The following TEK variants were observed in gnomAD, a reference collection of about 807,000 sequenced individuals.
TEK encodes the protein angiopoietin-1 receptor.
A neutral mutation model predicts 131.8 loss-of-function variants in TEK; 43 were observed. That is an observed-to-expected ratio of 0.33 (90% CI 0.26 to 0.42). The LOEUF (loss-of-function observed/expected upper bound fraction) is 0.42. TEK is among the 10% of genes least tolerant of loss of function. TEK has a pLI of 1.00. For missense variants in TEK, 1,162 were observed against 1,384.4 expected, an observed-to-expected ratio of 0.84 and a Z score of 2.55; for synonymous variants, 580 against 491.6, an observed-to-expected ratio of 1.18 and a Z score of -2.38.
chr9:27,136,896 T>G (rs1224747039), intron 1 of TEK, among the ~76,000 whole-genome samples: 1 of 152,154 alleles, frequency 6.6e-6, no homozygotes, highest in Non-Finnish European at 1.5e-5. Flanking sequence ...AAAAAAAATC[T>G]CTCCATGTTT....
chr9:27,125,928 A>G (rs1198001111), intron 1 of TEK, among the ~76,000 whole-genome samples: 12 of 152,094 alleles, frequency 7.9e-5, no homozygotes, highest in Admixed American at 7.9e-4. Context: ...TCTGTGCCCA[A>G]CACTGAGTCA....
At chr9:27,162,679 A>G (rs188473897) in intron 2 of TEK, among the ~76,000 whole-genome samples, 1 of 152,242 alleles carries the variant, frequency 6.6e-6, no homozygotes, top group Non-Finnish European at 1.5e-5. Context: ...AAAATCTGAA[A>G]CAGTTTAGTT....
At chr9:27,120,336 C>T (rs940563989) in intron 1 of TEK, among the ~76,000 whole-genome samples, 1 of 152,256 alleles carries the variant, frequency 6.6e-6, no homozygotes, top group South Asian at 2.1e-4. Flanking sequence ...TCTTCTTCAC[C>T]TGCTTTACTT....
intron 1 of TEK, 80 bp from the exon 2 acceptor site, chr9:27,157,751 A>G: frequency 1.3e-6 from 2 of 1,483,452 alleles, no homozygotes; most frequent in South Asian, 2.3e-5. Context: ...CTTTAAGACA[A>G]GGCTTTGTGA....
chr9:27,223,071 A>G (rs1358664547), intron 21 of TEK, among the ~76,000 whole-genome samples: 1 of 152,174 alleles, frequency 6.6e-6, no homozygotes, highest in African/African-American at 2.4e-5. Flanking sequence ...AGAACAGCTA[A>G]CTAACTATCT....
intron 7 of TEK, among the ~76,000 whole-genome samples, chr9:27,181,866 C>T (rs1824390357): frequency 6.6e-6 from 1 of 151,788 alleles, no homozygotes; most frequent in African/African-American, 2.4e-5. Flanking sequence ...GAAATAAATA[C>T]ATATCCAGTG....
At chr9:27,223,589 A>G (rs1202182072) in intron 21 of TEK, among the ~76,000 whole-genome samples, 1 of 152,198 alleles carries the variant, frequency 6.6e-6, no homozygotes, top group East Asian at 1.9e-4. Context: ...GACACAACAT[A>G]CCAGAATCTC....
intron 8 of TEK, among the ~76,000 whole-genome samples, chr9:27,184,176 C>T (rs1383412715): frequency 1.3e-5 from 2 of 152,144 alleles, no homozygotes; most frequent in Non-Finnish European, 1.5e-5. Context: ...CATTGGGTTT[C>T]TACCCACCTC....
intron 1 of TEK, among the ~76,000 whole-genome samples, chr9:27,127,224 C>T (rs775459696): frequency 1.3e-5 from 2 of 152,176 alleles, no homozygotes; most frequent in African/African-American, 2.4e-5. Context: ...TGAGAACATG[C>T]AGTGTTTGGT....
intron 21 of TEK, among the ~76,000 whole-genome samples, chr9:27,227,290 C>T (rs925964150): frequency 6.6e-6 from 1 of 152,188 alleles, no homozygotes; most frequent in African/African-American, 2.4e-5. Context: ...CTGAGCACAA[C>T]TGAGTAAGCA....
Position 27,213,358 on chromosome 9 carries a change from A to G in TEK, c.2878-126A>G. On this transcript the variant is annotated intron_variant, in intron 17 of 22. Transcript: ENST00000380036. The stretch of plus-strand genomic sequence containing the variant: ...CCAGGGAATTTTGGAGGGGAACTTT[A>G]AGGGAACTGGATTGTGACTGTTTAA... 4.3e-6 allele frequency: 3 copies of G among 697,060 alleles called. No homozygotes were observed. The South Asian group carries it at 4.7e-5, about 11-fold the overall frequency. The allele number at this position is 697,060 out of a possible 1,614,324, so 43.2% of individuals were successfully genotyped here.
intron 2 of TEK, 80 bp downstream of exon 2, chr9:27,158,222 G>T: frequency 2.0e-6 from 3 of 1,534,218 alleles, no homozygotes; most frequent in Non-Finnish European, 2.7e-6. Flanking sequence ...TGCTCCCTCA[G>T]GGGCAGGGCA....
chr9:27,220,733 A>G (rs1826031541), intron 21 of TEK, among the ~76,000 whole-genome samples: 1 of 152,216 alleles, frequency 6.6e-6, no homozygotes, highest in Non-Finnish European at 1.5e-5. Context: ...GCCATGACGA[A>G]TGGTGCATTC....
intron 1 of TEK, among the ~76,000 whole-genome samples, chr9:27,152,077 G>C (rs901171822): frequency 6.6e-6 from 1 of 152,096 alleles, no homozygotes; most frequent in South Asian, 2.1e-4. Flanking sequence ...CAAATATTTA[G>C]AACTTTAAGA....
chr9:27,221,675 G>C (rs777833876), intron 21 of TEK, among the ~76,000 whole-genome samples: 19 of 152,164 alleles, frequency 1.2e-4, no homozygotes, highest in Non-Finnish European at 2.6e-4. Flanking sequence ...ACAGGGGCCT[G>C]ACTATTAGAA....
chr9:27,115,553 A>G (rs1028651837), intron 1 of TEK, among the ~76,000 whole-genome samples: 12 of 152,164 alleles, frequency 7.9e-5, no homozygotes, highest in African/African-American at 2.7e-4. Context: ...TATTTAATTA[A>G]ATGTCTAAAA....
At chr9:27,211,859 C>A (rs1255268570) in intron 16 of TEK, among the ~76,000 whole-genome samples, 1 of 131,736 alleles carries the variant, frequency 7.6e-6, no homozygotes, top group South Asian at 2.5e-4. Flanking sequence ...TTTAACTTTA[C>A]ATTTTTAGTA....
intron 13 of TEK, among the ~76,000 whole-genome samples, chr9:27,204,435 A>C (rs941595541): frequency 6.6e-6 from 1 of 151,974 alleles, no homozygotes; most frequent in South Asian, 2.1e-4. Context: ...GGTTTTCTTC[A>C]TTAACTCATT....
At chr9:27,162,370 G>T (rs1274657031) in intron 2 of TEK, among the ~76,000 whole-genome samples, 1 of 152,094 alleles carries the variant, frequency 6.6e-6, no homozygotes. Context: ...CAGACAAACT[G>T]GATTTTATCA....
Sources: gnomAD v4.1 joint callset for allele counts (sites outside exome capture counted in the v4.1 genomes callset) on GRCh38, gnomAD v4.1.1 for gene constraint, MANE v1.5 for transcripts, NCBI Gene and HGNC (gene_info 2026-07-23, HGNC 2026-07-21) for gene names.